Variants in TTC7B observed in about 807,000 individuals in gnomAD.
The protein encoded by TTC7B is tetratricopeptide repeat domain 7B, also known as tetratricopeptide repeat protein 7B.
A neutral mutation model predicts 106.8 loss-of-function variants in TTC7B; 28 were observed. The ratio of observed to expected loss-of-function variants is 0.26; its 90% confidence interval spans 0.19 to 0.36. The LOEUF (loss-of-function observed/expected upper bound fraction) is 0.36. Among genes scored for constraint, TTC7B ranks in the 10% least tolerant of loss-of-function variants. The probability of loss-of-function intolerance (pLI) is 1.00; values close to 1 mark genes in which losing one functional copy is unlikely to be tolerated. For missense variants in TTC7B, 862 were observed against 1,076.4 expected (o/e 0.80, Z 2.79); for synonymous variants, 405 against 430.6 (o/e 0.94, Z 0.74).
intron 17 of TTC7B, among the ~76,000 whole-genome samples, chr14:90,596,750 A>C (rs1795263830): frequency 6.6e-6 from 1 of 152,230 alleles, no homozygotes; most frequent in Non-Finnish European, 1.5e-5. Flanking sequence ...TGGGTCTAGA[A>C]GATGCGAACT....
At chr14:90,716,732 A>T (rs1888670662) in intron 5 of TTC7B, among the ~76,000 whole-genome samples, 1 of 152,194 alleles carries the variant, frequency 6.6e-6, no homozygotes, top group Non-Finnish European at 1.5e-5. Flanking sequence ...TATTCTTCAG[A>T]AAAAATATAG....
At chr14:90,647,518 G>A (rs1005017665) in intron 13 of TTC7B, 2 of 154,410 alleles carry the variant, frequency 1.3e-5, no homozygotes, top group Non-Finnish European at 2.9e-5. Context: ...AATGAGGTTT[G>A]GGTTTTTGGT....
chr14:90,791,464 C>A (rs111930564), intron 1 of TTC7B, among the ~76,000 whole-genome samples: 2,356 of 152,256 alleles, frequency 0.015, 24 homozygotes, highest in African/African-American at 0.026. Context: ...TGCTTGTTGT[C>A]CCAGAATATT....
chr14:90,637,404 ACC>A (rs71117366), intron 15 of TTC7B, among the ~76,000 whole-genome samples: 6 of 151,080 alleles, frequency 4.0e-5, no homozygotes, highest in Admixed American at 6.6e-5. Flanking sequence ...ACAGAGAAAA[ACC>A]CCCCCCCAGC....
intron 5 of TTC7B, among the ~76,000 whole-genome samples, chr14:90,710,777 C>A (rs1023477252): frequency 6.6e-6 from 1 of 152,180 alleles, no homozygotes; most frequent in Non-Finnish European, 1.5e-5. Flanking sequence ...GGTATGTACT[C>A]TTTTCTGGAC....
chr14:90,529,227 C>T lies in TTC7B; in HGVS notation c.*12141G>A, dbSNP rs1889225075. The T allele has an allele frequency of 6.5e-6, 1 of 153,108 alleles. No homozygotes were observed. The highest frequency in any genetic ancestry group is 2.0e-4 in the South Asian group (1 of 4,926). 9.5% of individuals were successfully genotyped at this position (153,108 alleles called of 1,614,324 possible). On this transcript the variant is annotated 3_prime_UTR_variant, in exon 20 of 20. Coordinates refer to ENST00000328459, the MANE Select transcript of TTC7B (RefSeq NM_001010854.2). ...TCTTTCCGATAGCGGGATCTGACTGCATTTTGCATTCATGGGGGCACCGTC... is the reference window on the plus strand; with the variant it reads ...TCTTTCCGATAGCGGGATCTGACTGTATTTTGCATTCATGGGGGCACCGTC...
chr14:90,695,872 T>C, intron 5 of TTC7B, among the ~76,000 whole-genome samples: 1 of 150,274 alleles, frequency 6.7e-6, no homozygotes, highest in African/African-American at 2.5e-5. Flanking sequence ...GTGTTCAAAC[T>C]CTCAATGGCT....
intron 11 of TTC7B, 56 bp from the exon 12 acceptor site, chr14:90,655,166 T>C: frequency 7.9e-7 from 1 of 1,272,010 alleles, no homozygotes. Context: ...CTAACATGAG[T>C]TCCCATAAGC....
At chr14:90,744,220 GTGCTGAAGGTATGAACAGA>G (rs1485931913) in intron 4 of TTC7B, among the ~76,000 whole-genome samples, 26 of 152,218 alleles carry the variant, frequency 1.7e-4, no homozygotes, top group Admixed American at 1.3e-4. Flanking sequence ...CAGCTTCAGG[GTGCTGAAGGTATGAACAGA>G]TGCACACTGT....
intron 17 of TTC7B, among the ~76,000 whole-genome samples, chr14:90,598,288 G>C (rs1892294150): frequency 6.6e-6 from 1 of 152,212 alleles, no homozygotes; most frequent in Non-Finnish European, 1.5e-5. Flanking sequence ...GGCGTGTGAC[G>C]TCCTGGAGCG....
intron 19 of TTC7B, among the ~76,000 whole-genome samples, chr14:90,574,492 A>T (rs137861788): frequency 1.1e-3 from 170 of 152,344 alleles, no homozygotes; most frequent in African/African-American, 4.0e-3. Flanking sequence ...ACATGAATTT[A>T]GACACATACA....
chr14:90,657,241 C>G lies in TTC7B; in HGVS notation c.1274G>C (p.Arg425Pro). The G allele has an allele frequency of 6.2e-7, 1 of 1,614,060 alleles. No individual in the cohort carries two copies. The highest frequency in any genetic ancestry group is 8.5e-7 in the Non-Finnish European group (1 of 1,180,014). ...GATGGTGGCATCGTCTGGCTTCAGGCGGATACACTCTTTCAGCACCTTCAC... is the reference window on the plus strand; with the variant it reads ...GATGGTGGCATCGTCTGGCTTCAGGGGGATACACTCTTTCAGCACCTTCAC... ...RAVKVLKECI[R>P]LKPDDATIPL... The change falls in exon 11 of 20, where the codon CGC becomes CCC. Residue 425 changes from arginine to proline, a missense_variant. Transcript: ENST00000328459. This position sits in a 1 kb window ranked among gnomAD's most constrained non-coding sequence, Gnocchi z 4.2.
chr14:90,593,681 A>G, intron 17 of TTC7B, 55 bp from the exon 18 acceptor site: 3 of 1,492,894 alleles, frequency 2.0e-6, no homozygotes, highest in Admixed American at 2.0e-5. Context: ...GACCCAACCA[A>G]TCAACCCCTT....
intron 9 of TTC7B, among the ~76,000 whole-genome samples, chr14:90,664,682 T>C (rs1381699618): frequency 6.6e-6 from 1 of 152,194 alleles, no homozygotes; most frequent in East Asian, 1.9e-4. Context: ...AGTGCTTTAA[T>C]CACTCAAGCC....
chr14:90,641,932 TGC>T (rs67276326), intron 15 of TTC7B, among the ~76,000 whole-genome samples: 19 of 131,280 alleles, frequency 1.4e-4, no homozygotes, highest in Admixed American at 2.9e-4. Context: ...TGTGTGTGTG[TGC>T]GTGTGTGTGT....
At chr14:90,701,124 G>A (rs1887967137) in intron 5 of TTC7B, among the ~76,000 whole-genome samples, 1 of 152,060 alleles carries the variant, frequency 6.6e-6, no homozygotes, top group South Asian at 2.1e-4. Flanking sequence ...CATGGAGCAA[G>A]CCAGCTGCAG....
rs1007209158 is a variant in TTC7B, at chr14:90,537,708, T to G, written c.*3660A>C. 6.6e-6 allele frequency: 1 copy of G among 152,216 alleles called. No individual in the cohort carries two copies. Among genetic ancestry groups the G allele is most frequent in the African/African-American group, 2.4e-5 (1 of 41,406 alleles). The allele number at this position is 152,216 out of a possible 1,614,324, so 9.4% of individuals were successfully genotyped here. On this transcript the variant is annotated 3_prime_UTR_variant, in exon 20 of 20. Transcript: ENST00000328459. Reference sequence around the variant, plus strand: ...GTCTTTCTTCAGCCAGATGTCACCTTCTTAGCGAGGCTTCCCTAGTCACCT... The same window carrying G: ...GTCTTTCTTCAGCCAGATGTCACCTGCTTAGCGAGGCTTCCCTAGTCACCT...
At chr14:90,643,241 T>C (rs1885262468) in intron 15 of TTC7B, among the ~76,000 whole-genome samples, 1 of 151,976 alleles carries the variant, frequency 6.6e-6, no homozygotes, top group South Asian at 2.1e-4. Flanking sequence ...ACCCCGTCTC[T>C]ACTAAAAATA....
At chr14:90,803,545 T>C (rs1480008562) in intron 1 of TTC7B, among the ~76,000 whole-genome samples, 2 of 152,200 alleles carry the variant, frequency 1.3e-5, no homozygotes, top group African/African-American at 4.8e-5. Context: ...TGGTTTAAAC[T>C]GTGGCCCAGT....
Sources: allele counts gnomAD v4.1 joint callset (sites outside exome capture counted in the v4.1 genomes callset), GRCh38; gene constraint gnomAD v4.1.1; non-coding constraint Gnocchi (gnomAD v3.1); transcripts MANE v1.5; gene names NCBI Gene and HGNC (gene_info 2026-07-23, HGNC 2026-07-21).